Variants in POLQ observed in about 807,000 individuals in gnomAD.
POLQ encodes the protein DNA polymerase theta, also known as epididymis secretory sperm binding protein.
Under a neutral mutation model 259.2 loss-of-function variants are expected in POLQ, and 233 were observed. The observed-to-expected ratio is 0.90, with a 90% CI of 0.81 to 1.00. The LOEUF (loss-of-function observed/expected upper bound fraction) is 1.00. Ranked by LOEUF, POLQ falls within the 50% of genes least tolerant of loss-of-function variation. The pLI is 0.00. For missense variants in POLQ, 2,871 were observed against 3,051.6 expected (o/e 0.94, Z 1.39); for synonymous variants, 1,025 against 1,048.8 (o/e 0.98, Z 0.44).
intron 17 of POLQ, among the ~76,000 whole-genome samples, chr3:121,484,502 A>G (rs2047994694): frequency 6.6e-6 from 1 of 152,230 alleles, no homozygotes; most frequent in Non-Finnish European, 1.5e-5. Flanking sequence ...AACCCATAGC[A>G]TGAATAGCCT....
intron 28 of POLQ, 97 bp downstream of exon 28, chr3:121,436,025 G>T: frequency 9.9e-7 from 1 of 1,007,158 alleles, no homozygotes; most frequent in Non-Finnish European, 1.5e-6. Flanking sequence ...AAACATTTGA[G>T]AACTGTTGAG....
At chr3:121,491,672 T>C (rs950454907) in intron 15 of POLQ, among the ~76,000 whole-genome samples, 1 of 152,106 alleles carries the variant, frequency 6.6e-6, no homozygotes, top group Non-Finnish European at 1.5e-5. Flanking sequence ...CTAGAACAGA[T>C]AACTAGAGAG....
intron 25 of POLQ, among the ~76,000 whole-genome samples, chr3:121,453,470 G>A (rs939808227): frequency 1.3e-5 from 2 of 152,074 alleles, no homozygotes; most frequent in African/African-American, 4.8e-5. Context: ...CAAGCAAAAG[G>A]CAAACAAGTT....
intron 12 of POLQ, among the ~76,000 whole-genome samples, chr3:121,508,016 ATTTTT>A (rs4048669): frequency 2.3e-5 from 3 of 129,648 alleles, no homozygotes; most frequent in Non-Finnish European, 4.7e-5. Flanking sequence ...ACCATACACA[ATTTTT>A]TTTTTTTTTT....
chr3:121,432,413 G>A lies in POLQ; in HGVS notation c.7664C>T (p.Ala2555Val). ...TTCCATTTCATTCTTGACAATCTGAGCTACCTAAGGAAAAAAAAAATGTAG... is the reference window on the plus strand; with the variant it reads ...TTCCATTTCATTCTTGACAATCTGAACTACCTAAGGAAAAAAAAAATGTAG... Reference protein sequence around the residue: ...EVAEEDVVQVAQIVKNEMESA... With the variant: ...EVAEEDVVQVVQIVKNEMESA... Residue 2555 changes from alanine to valine, a missense_variant, in exon 30 of 30, where the codon GCT (alanine) becomes GTT (valine). This residue lies in a region of POLQ where 2,080 missense variants were observed against 2,126.0 expected (regional missense o/e 0.98). Coordinates refer to ENST00000264233, the MANE Select transcript of POLQ (RefSeq NM_199420.4). 1 of 1,601,470 alleles carries A rather than the reference G, an allele frequency of 6.2e-7. No homozygotes were observed. Among genetic ancestry groups the A allele is most frequent in the Non-Finnish European group, 8.5e-7 (1 of 1,175,744 alleles).
At chr3:121,501,882 C>T (rs2048172986) in intron 12 of POLQ, among the ~76,000 whole-genome samples, 1 of 145,600 alleles carries the variant, frequency 6.9e-6, no homozygotes, top group South Asian at 2.3e-4. Flanking sequence ...CCCAGGGACT[C>T]GGGAGGCTGA....
rs925064562 is a variant in POLQ at position 121,432,208 on chromosome 3, T to C, written c.*96A>G. The C allele has an allele frequency of 9.4e-5, 107 of 1,134,610 alleles. No individual in the cohort carries two copies. The highest frequency in any genetic ancestry group is 1.2e-4 in the Non-Finnish European group (101 of 821,958). The allele number at this position is 1,134,610 out of a possible 1,614,324, so 70.3% of individuals were successfully genotyped here. On this transcript the variant is annotated 3_prime_UTR_variant, in exon 30 of 30. Coordinates refer to ENST00000264233, the MANE Select transcript of POLQ (RefSeq NM_199420.4). Reference sequence around the variant, plus strand: ...GGCTAAGTCTATCAAGACTTGAAAGTTTGTTTTGCTGAGGTAGGTGAAAGG... The same window carrying C: ...GGCTAAGTCTATCAAGACTTGAAAGCTTGTTTTGCTGAGGTAGGTGAAAGG...
At chr3:121,520,613 ACTTTTC>A (rs1191816421) in intron 8 of POLQ, among the ~76,000 whole-genome samples, 1 of 152,120 alleles carries the variant, frequency 6.6e-6, no homozygotes, top group Non-Finnish European at 1.5e-5. Flanking sequence ...GGGTCCACAA[ACTTTTC>A]CTGTTCCTGT....
At chr3:121,530,434 A>T (rs1225868833) in intron 6 of POLQ, among the ~76,000 whole-genome samples, 1 of 152,206 alleles carries the variant, frequency 6.6e-6, no homozygotes, top group Non-Finnish European at 1.5e-5. Context: ...CAATGAGTTT[A>T]TCAGGATATA....
intron 3 of POLQ, among the ~76,000 whole-genome samples, chr3:121,540,961 G>A (rs749391552): frequency 6.7e-6 from 1 of 149,754 alleles, no homozygotes; most frequent in East Asian, 2.0e-4. Flanking sequence ...GCGTGATCTC[G>A]GCTCACTGCA....
At chr3:121,505,092 T>C (rs942831597) in intron 12 of POLQ, among the ~76,000 whole-genome samples, 7 of 152,232 alleles carry the variant, frequency 4.6e-5, no homozygotes, top group Non-Finnish European at 7.3e-5. Context: ...CACTTGGTGC[T>C]GTCGTTGCAA....
intron 9 of POLQ, among the ~76,000 whole-genome samples, chr3:121,515,877 T>A (rs1376011135): frequency 6.6e-6 from 1 of 151,526 alleles, no homozygotes; most frequent in Non-Finnish European, 1.5e-5. Flanking sequence ...AGAATAATTA[T>A]CCTAAAAAAG....
intron 23 of POLQ, 28 bp from the exon 24 acceptor site, chr3:121,467,668 G>C: frequency 6.2e-7 from 1 of 1,608,522 alleles, no homozygotes; most frequent in Non-Finnish European, 8.5e-7. Flanking sequence ...TCATCAGTTA[G>C]ACATGAAGCA....
chr3:121,437,021 C>T (rs2047549576), intron 27 of POLQ, among the ~76,000 whole-genome samples: 1 of 152,064 alleles, frequency 6.6e-6, no homozygotes, highest in African/African-American at 2.4e-5. Context: ...AAAAGGTCTA[C>T]TCCAGGGAAG....
intron 9 of POLQ, 45 bp from the exon 10 acceptor site, chr3:121,512,074 A>G (rs1423430183): frequency 2.0e-6 from 3 of 1,529,562 alleles, no homozygotes; most frequent in Non-Finnish European, 2.7e-6. Flanking sequence ...ATATAGTTCC[A>G]TAAGATATCT....
chr3:121,490,184 GACTC>G lies in POLQ; in HGVS notation c.2743_2746del (p.Glu915ProfsTer3). On this transcript the variant is annotated frameshift_variant, in exon 16 of 30. Transcript: ENST00000264233. LOFTEE classifies it high-confidence loss of function. ...TATAAATGTGTGTTCCTTTACTTCG[GACTC>G]ACTATGAGTCAATGAGCATGTACTA... 1 of 1,612,968 alleles carries G rather than the reference GACTC, an allele frequency of 6.2e-7. No individual in the cohort carries two copies. The highest frequency in any genetic ancestry group is 1.1e-5 in the South Asian group (1 of 90,862).
chr3:121,528,729 G>A (rs1420500396), intron 7 of POLQ, among the ~76,000 whole-genome samples: 1 of 152,142 alleles, frequency 6.6e-6, no homozygotes, highest in Admixed American at 6.5e-5. Flanking sequence ...AAGGCAGGCG[G>A]ATCACTTCAG....
chr3:121,488,218 G>A lies in POLQ; in HGVS notation c.4713C>T (p.Asp1571=). The A allele has an allele frequency of 6.2e-7, 1 of 1,613,336 alleles. No homozygotes were observed. The highest frequency in any genetic ancestry group is 2.2e-5 in the East Asian group (1 of 44,862). The change falls in exon 16 of 30, where the codon GAC becomes GAT. Residue 1571 remains aspartate (D), a synonymous_variant. Transcript: ENST00000264233. ...MDSVQMVEAL[D]NVDIFPVQEK... ...CTTGGACAGGAAATATATCCACATT[G>A]TCCAAAGCTTCAACCATCTGAACAG...
intron 19 of POLQ, 66 bp from the exon 20 acceptor site, chr3:121,476,799 TAAACTATACAGAATTCATCTAGGA>T (rs2047931066): frequency 9.4e-7 from 1 of 1,065,664 alleles, no homozygotes; most frequent in East Asian, 2.5e-5. Flanking sequence ...CAGCCTTACC[TAAACTATACAGAATTCATCTAGGA>T]AAATCCAGAA....
Sources: gnomAD v4.1 joint callset for allele counts (sites outside exome capture counted in the v4.1 genomes callset) on GRCh38, gnomAD v4.1.1 for gene constraint, gnomAD v4.1.1 regional missense constraint, MANE v1.5 for transcripts, NCBI Gene and HGNC (gene_info 2026-07-23, HGNC 2026-07-21) for gene names.